Variants in NECTIN1 observed in about 807,000 individuals in gnomAD.
NECTIN1 encodes nectin-1.
In NECTIN1, 23 loss-of-function variants were observed where a neutral mutation model predicts 48.0. The ratio of observed to expected loss-of-function variants is 0.48; its 90% CI spans 0.34 to 0.68. The LOEUF is 0.68. Ranked by LOEUF, NECTIN1 falls within the 30% of genes least tolerant of loss-of-function variation. NECTIN1 has a pLI of 0.01. For synonymous variants in NECTIN1, 270 were observed against 288.9 expected, an observed-to-expected ratio of 0.93 and a Z score of 0.66; for missense variants, 591 against 709.9, an observed-to-expected ratio of 0.83 and a Z score of 1.90.
intron 5 of NECTIN1, among the ~76,000 whole-genome samples, chr11:119,667,345 T>C (rs971947462): frequency 2.0e-5 from 3 of 152,160 alleles, no homozygotes; most frequent in Non-Finnish European, 4.4e-5. Flanking sequence ...TGCCTTCCTC[T>C]CTTCATCCAT....
At chr11:119,660,612 G>T (rs1183854095), downstream of NECTIN1, among the ~76,000 whole-genome samples, 2 of 152,158 alleles carry the variant, frequency 1.3e-5, no homozygotes, top group East Asian at 1.9e-4. Flanking sequence ...GGTGATAGGG[G>T]AACTGGAATC....
At chr11:119,639,603 C>A in intron 6 of NECTIN1, 1 of 546,812 alleles carries the variant, frequency 1.8e-6, no homozygotes, top group South Asian at 2.0e-5. Context: ...GGTAATCATG[C>A]ACCTGCTCCT....
chr11:119,671,235 G>A (rs1188650711), intron 5 of NECTIN1, among the ~76,000 whole-genome samples: 1 of 151,980 alleles, frequency 6.6e-6, no homozygotes, highest in African/African-American at 2.4e-5. Context: ...TCCTGTCTCT[G>A]TGCCAGGAGC....
At chr11:119,702,210 T>C (rs996593969) in intron 1 of NECTIN1, among the ~76,000 whole-genome samples, 2 of 152,196 alleles carry the variant, frequency 1.3e-5, no homozygotes, top group African/African-American at 2.4e-5. Flanking sequence ...CCTGCCCCAC[T>C]CACCTCTCCA....
downstream of NECTIN1, among the ~76,000 whole-genome samples, chr11:119,657,532 T>C (rs1864593993): frequency 6.7e-6 from 1 of 149,954 alleles, no homozygotes; most frequent in Non-Finnish European, 1.5e-5. Flanking sequence ...GGAGAATCAC[T>C]TGAACCAGAG....
rs555078261 is a variant in NECTIN1 at position 119,684,163 on chromosome 11, T to C, written c.80-5398A>G. Among the ~76,000 whole-genome samples the C allele has an allele frequency of 6.6e-6, 1 of 152,320 alleles. No individual in the cohort carries two copies. The highest frequency in any genetic ancestry group is 1.9e-4 in the East Asian group (1 of 5,174). On this transcript the variant is annotated intron_variant, in intron 1 of 5. Transcript: ENST00000264025. The surrounding 1 kb of genome is among the most constrained non-coding windows in gnomAD (Gnocchi z 5.2). Reference sequence around the variant, plus strand: ...CTTTTAACCCCCAGACCCCTCTTCCTAGCCAAGCAGGCTGGAACTGGGCTC... The same window carrying C: ...CTTTTAACCCCCAGACCCCTCTTCCCAGCCAAGCAGGCTGGAACTGGGCTC...
rs778904871 is a variant in NECTIN1 at position 119,678,544 on chromosome 11, G to A, written c.301C>T (p.Arg101Trp). ...ATAGTGCCATCGGTGAAGGAGGGCC[G>A]CAGGAATTCCACACGCTCGCGGTAG... is the stretch of plus-strand genomic sequence containing the variant. ...APYRERVEFL[R>W]PSFTDGTIRL... Residue 101 changes from arginine (R) to tryptophan (W), a missense_variant, in exon 2 of 6, where the codon CGG (arginine) becomes TGG (tryptophan). Physicochemically the swap from Arg to Trp is moderately radical, Grantham distance 101. Coordinates refer to ENST00000264025, the MANE Select transcript of NECTIN1 (RefSeq NM_002855.5). This position sits in a 1 kb window ranked among gnomAD's most constrained non-coding sequence, Gnocchi z 4.4. 44 of 1,614,056 alleles carry A rather than the reference G, an allele frequency of 2.7e-5. No individual in the cohort carries two copies. The highest frequency in any genetic ancestry group is 6.7e-5 in the African/African-American group (5 of 74,914).
At chr11:119,705,390 A>C (rs1865530101) in intron 1 of NECTIN1, among the ~76,000 whole-genome samples, 1 of 152,238 alleles carries the variant, frequency 6.6e-6, no homozygotes. Flanking sequence ...AAGAAGATAA[A>C]ATGTGTGTAG....
At position 119,677,161 on chromosome 11, in the gene NECTIN1, G is replaced by T. The variant is rs531328269; in HGVS notation, c.792C>A (p.Asp264Glu). Residue 264 changes from aspartate to glutamate, a missense_variant, in exon 4 of 6, where the codon GAC becomes GAA. Coordinates refer to ENST00000264025, the MANE Select transcript of NECTIN1 (RefSeq NM_002855.5). This position sits in a 1 kb window ranked among gnomAD's most constrained non-coding sequence, Gnocchi z 5.4. Reference sequence around the variant, plus strand: ...CATCAGCTTTGCAGGTGAGCTTCACGTCCATCCGCTGCAGGTACCAGTTGC... The same window carrying T: ...CATCAGCTTTGCAGGTGAGCTTCACTTCCATCCGCTGCAGGTACCAGTTGC... ...FDGNWYLQRM[D>E]VKLTCKADAN... 3.2e-5 allele frequency: 51 copies of T among 1,614,122 alleles called. No individual in the cohort carries two copies. In the South Asian group the frequency reaches 5.1e-4, roughly 16 times the overall value.
intron 5 of NECTIN1, among the ~76,000 whole-genome samples, chr11:119,670,793 C>T (rs751231048): frequency 6.6e-6 from 1 of 151,930 alleles, no homozygotes; most frequent in Non-Finnish European, 1.5e-5. Flanking sequence ...ACTACAGGCA[C>T]GCACTGCCAC....
At chr11:119,639,291 T>C (rs970902377) in intron 6 of NECTIN1, among the ~76,000 whole-genome samples, 7 of 152,124 alleles carry the variant, frequency 4.6e-5, no homozygotes, top group Non-Finnish European at 8.8e-5. Context: ...TCCATCACAG[T>C]GGTGTGCTGG....
At chr11:119,692,375 G>A (rs1323165394) in intron 1 of NECTIN1, among the ~76,000 whole-genome samples, 1 of 152,114 alleles carries the variant, frequency 6.6e-6, no homozygotes, top group Non-Finnish European at 1.5e-5. Context: ...CTGTGCAGAG[G>A]GGCCCCTGAA....
intron 1 of NECTIN1, among the ~76,000 whole-genome samples, chr11:119,726,525 C>A (rs189064939): frequency 2.2e-4 from 33 of 152,314 alleles, no homozygotes; most frequent in African/African-American, 7.7e-4. Context: ...CTGCATCCCA[C>A]CCTTTCATGT....
rs186811608 is a variant in NECTIN1 at position 119,720,177 on chromosome 11, C to T, written c.79+8298G>A. Among the ~76,000 whole-genome samples, 496 of 152,348 alleles carry T rather than the reference C, an allele frequency of 3.3e-3. 5 individuals are homozygous for T. The highest frequency in any genetic ancestry group is 0.011 in the African/African-American group (473 of 41,578). On this transcript the variant is annotated intron_variant, in intron 1 of 5. Coordinates refer to ENST00000264025, the MANE Select transcript of NECTIN1 (RefSeq NM_002855.5). ...CTCCCCTGCAGTGGGACCCACATGA[C>T]GTGGTGGCAGAGCTGGCTAGGACCA...
At chr11:119,715,441 C>T (rs918063578) in intron 1 of NECTIN1, among the ~76,000 whole-genome samples, 9 of 151,508 alleles carry the variant, frequency 5.9e-5, no homozygotes, top group African/African-American at 1.7e-4. Flanking sequence ...GTGCAACCTC[C>T]GCCTCCTGGG....
chr11:119,671,014 T>C (rs1864854778), intron 5 of NECTIN1, among the ~76,000 whole-genome samples: 1 of 151,902 alleles, frequency 6.6e-6, no homozygotes, highest in Admixed American at 6.5e-5. Flanking sequence ...CCGGTTATTT[T>C]GTTTAGGGCT....
chr11:119,639,525 G>A, intron 6 of NECTIN1: 1 of 400,602 alleles, frequency 2.5e-6, no homozygotes, highest in Non-Finnish European at 4.7e-6. Flanking sequence ...CAACGGCTGG[G>A]AGCACGTAAA....
chr11:119,664,679 G>C lies in NECTIN1; in HGVS notation c.*68C>G, dbSNP rs1306961150. 3 of 1,483,820 alleles carry C rather than the reference G, an allele frequency of 2.0e-6. No individual in the cohort carries two copies. Among genetic ancestry groups the C allele is most frequent in the African/African-American group, 2.8e-5 (2 of 71,298 alleles). 91.9% of individuals were successfully genotyped at this position (1,483,820 alleles called of 1,614,324 possible). A position where few individuals can be genotyped will look rare whatever the true frequency, so the allele number is the denominator to read the frequency against. ...TCAGCTCCTGGAGTGGGAGGTGGGG[G>C]GTGGGCAGGGGGCGTGCGGGGAGGG... On this transcript the variant is annotated 3_prime_UTR_variant, in exon 6 of 6. Transcript: ENST00000264025.
intron 5 of NECTIN1, among the ~76,000 whole-genome samples, chr11:119,647,981 T>A (rs1180550041): frequency 7.0e-6 from 1 of 143,062 alleles, no homozygotes; most frequent in Non-Finnish European, 1.5e-5. Flanking sequence ...AGAGAATCAC[T>A]TGAACCTGGG....
Sources: gnomAD v4.1 joint callset for allele counts (sites outside exome capture counted in the v4.1 genomes callset) on GRCh38, gnomAD v4.1.1 for gene constraint, Gnocchi (gnomAD v3.1) non-coding constraint, MANE v1.5 for transcripts, NCBI Gene and HGNC (gene_info 2026-07-23, HGNC 2026-07-21) for gene names.